PTPRM: variants seen among roughly 807,000 people sequenced by gnomAD.
PTPRM encodes the protein protein tyrosine phosphatase receptor type M.
Under a neutral mutation model 186.7 loss-of-function variants are expected in PTPRM, and 47 were observed. That is an observed-to-expected ratio of 0.25 (90% CI 0.20 to 0.32). PTPRM has a LOEUF of 0.32. PTPRM is among the 10% of genes least tolerant of loss of function. PTPRM has a pLI of 1.00. For synonymous variants in PTPRM, 668 were observed against 674.9 expected (o/e 0.99, Z 0.16); for missense variants, 1,494 against 1,865.0 (o/e 0.80, Z 3.66).
chr18:7,790,453 C>T (rs181680515), intron 2 of PTPRM, among the ~76,000 whole-genome samples: 146 of 152,280 alleles, frequency 9.6e-4, no homozygotes, highest in African/African-American at 3.4e-3. Context: ...TTTCTGGGAT[C>T]AGCATAGCGG....
intron 1 of PTPRM, among the ~76,000 whole-genome samples, chr18:7,634,614 C>T (rs2038269872): frequency 6.6e-6 from 1 of 152,180 alleles, no homozygotes. Context: ...AAATTTGCTG[C>T]CACTTGTATA....
chr18:7,989,581 G>A (rs995117824), intron 7 of PTPRM, among the ~76,000 whole-genome samples: 3 of 152,096 alleles, frequency 2.0e-5, no homozygotes, highest in Non-Finnish European at 2.9e-5. Flanking sequence ...CTATGCATAT[G>A]GGATTTATTC....
At chr18:8,338,557 C>T (rs1315162865) in intron 22 of PTPRM, among the ~76,000 whole-genome samples, 1 of 152,160 alleles carries the variant, frequency 6.6e-6, no homozygotes, top group Non-Finnish European at 1.5e-5. Flanking sequence ...GTTCAAAACT[C>T]AGCCCTATAG....
intron 1 of PTPRM, among the ~76,000 whole-genome samples, chr18:7,758,982 T>C (rs2041639801): frequency 6.6e-6 from 1 of 152,192 alleles, no homozygotes; most frequent in Non-Finnish European, 1.5e-5. Context: ...GAGTCTGTGA[T>C]CAGGGATGTG....
intron 2 of PTPRM, among the ~76,000 whole-genome samples, chr18:7,840,473 A>T (rs530523767): frequency 1.9e-4 from 29 of 152,322 alleles, no homozygotes; most frequent in African/African-American, 7.0e-4. Flanking sequence ...CCTGGGTGCT[A>T]TGAGAATCAC....
intron 1 of PTPRM, among the ~76,000 whole-genome samples, chr18:7,644,588 TAGAA>T (rs1273345370): frequency 3.3e-5 from 5 of 151,908 alleles, no homozygotes; most frequent in African/African-American, 1.2e-4. Flanking sequence ...AGTAGGGGAA[TAGAA>T]AGAGAGTTAT....
chr18:7,803,880 C>T (rs560573163), intron 2 of PTPRM, among the ~76,000 whole-genome samples: 20 of 151,754 alleles, frequency 1.3e-4, no homozygotes, highest in African/African-American at 2.4e-4. Flanking sequence ...GAGCTTAACC[C>T]GAAATCTGAG....
intron 1 of PTPRM, among the ~76,000 whole-genome samples, chr18:7,595,701 T>G (rs563538013): frequency 1.3e-5 from 2 of 152,366 alleles, no homozygotes; most frequent in East Asian, 3.9e-4. Context: ...TTTAACATGT[T>G]TACTATCAGC....
intron 14 of PTPRM, among the ~76,000 whole-genome samples, chr18:8,220,392 A>G (rs1014816145): frequency 6.6e-6 from 1 of 152,194 alleles, no homozygotes; most frequent in African/African-American, 2.4e-5. Flanking sequence ...CAGTCATAAG[A>G]TACTCTTACT....
intron 19 of PTPRM, among the ~76,000 whole-genome samples, chr18:8,291,733 A>T (rs1455256004): frequency 2.6e-5 from 4 of 152,224 alleles, no homozygotes; most frequent in African/African-American, 9.6e-5. Context: ...AAAGTATGTG[A>T]AAAGGAACAT....
intron 1 of PTPRM, among the ~76,000 whole-genome samples, chr18:7,613,749 G>C (rs1293923168): frequency 6.6e-6 from 1 of 152,174 alleles, no homozygotes; most frequent in African/African-American, 2.4e-5. Flanking sequence ...ACACTTGGTT[G>C]ATTCCAGTGC....
intron 1 of PTPRM, among the ~76,000 whole-genome samples, chr18:7,704,802 A>C (rs1045397944): frequency 6.6e-6 from 1 of 152,174 alleles, no homozygotes; most frequent in African/African-American, 2.4e-5. Flanking sequence ...TTACTTATTT[A>C]AATCTGTGAA....
intron 14 of PTPRM, among the ~76,000 whole-genome samples, chr18:8,177,173 G>A (rs906063335): frequency 8.5e-5 from 13 of 152,182 alleles, no homozygotes; most frequent in African/African-American, 2.7e-4. Context: ...AGTATGAGAA[G>A]CATATTCTTA....
chr18:7,842,489 C>A (rs142604237), intron 2 of PTPRM, among the ~76,000 whole-genome samples: 1 of 151,930 alleles, frequency 6.6e-6, no homozygotes, highest in African/African-American at 2.4e-5. Context: ...CAGACGTTGC[C>A]GTGAAGATAT....
intron 1 of PTPRM, among the ~76,000 whole-genome samples, chr18:7,648,211 A>G (rs919737099): frequency 2.0e-5 from 3 of 152,122 alleles, no homozygotes; most frequent in Admixed American, 6.6e-5. Context: ...AACCGTGCCC[A>G]TATAAGACTG....
chr18:7,821,129 G>A (rs1173015756), intron 2 of PTPRM, among the ~76,000 whole-genome samples: 1 of 152,114 alleles, frequency 6.6e-6, no homozygotes, highest in Non-Finnish European at 1.5e-5. Flanking sequence ...AACCCATCTG[G>A]TAGAACTCAC....
chr18:7,603,029 G>T (rs1056176332), intron 1 of PTPRM, among the ~76,000 whole-genome samples: 1 of 151,500 alleles, frequency 6.6e-6, no homozygotes, highest in African/African-American at 2.4e-5. Flanking sequence ...CTGGGTTCAC[G>T]CCATTCTCCT....
intron 4 of PTPRM, among the ~76,000 whole-genome samples, chr18:7,923,500 T>C (rs1034038935): frequency 6.6e-6 from 1 of 152,166 alleles, no homozygotes; most frequent in South Asian, 2.1e-4. Flanking sequence ...GCAGATTAAC[T>C]GACAAGAGAC....
chr18:8,309,820 C>T (rs1366330212), intron 20 of PTPRM, among the ~76,000 whole-genome samples: 3 of 152,166 alleles, frequency 2.0e-5, no homozygotes, highest in Non-Finnish European at 4.4e-5. Context: ...AGGCATATGC[C>T]ATCACATCCA....
Sources: allele counts gnomAD v4.1 joint callset (sites outside exome capture counted in the v4.1 genomes callset), GRCh38; gene constraint gnomAD v4.1.1; transcripts MANE v1.5; gene names NCBI Gene and HGNC (gene_info 2026-07-23, HGNC 2026-07-21).